Variants in UNC79 observed in about 807,000 individuals in gnomAD.
The protein encoded by UNC79 is protein unc-79 homolog.
Under a neutral mutation model 283.1 loss-of-function variants are expected in UNC79, and 37 were observed. That is an observed-to-expected ratio of 0.13 (90% CI 0.10 to 0.17). The LOEUF (loss-of-function observed/expected upper bound fraction) is 0.17, where lower values mean the gene tolerates loss of function less well. Among genes scored for constraint, UNC79 ranks in the 10% least tolerant of loss-of-function variants. The probability of loss-of-function intolerance (pLI) is 1.00; values close to 1 mark genes in which losing one functional copy is unlikely to be tolerated. For synonymous variants in UNC79, 1,107 were observed against 1,200.2 expected, an observed-to-expected ratio of 0.92 and a Z score of 1.61; for missense variants, 2,272 against 3,211.1, an observed-to-expected ratio of 0.71 and a Z score of 7.07.
chr14:93,500,121 A>T (rs11845004), intron 7 of UNC79, among the ~76,000 whole-genome samples: 12,467 of 152,192 alleles, frequency 0.082, 588 homozygotes, highest in Middle Eastern at 0.18. Context: ...TTGCCTGTTC[A>T]GAGCATCTCA....
chr14:93,476,348 C>T (rs76385827), intron 3 of UNC79, among the ~76,000 whole-genome samples: 3,602 of 152,270 alleles, frequency 0.024, 151 homozygotes, highest in African/African-American at 0.083. Context: ...TCCAGTTGGG[C>T]TCCTTTCAGT....
At chr14:93,529,403 A>G in intron 10 of UNC79, 77 bp downstream of exon 10, 2 of 1,505,550 alleles carry the variant, frequency 1.3e-6, no homozygotes. Flanking sequence ...CTTTTGTACT[A>G]TTTTATTTTA....
chr14:93,590,154 C>T (rs72692906), intron 22 of UNC79, among the ~76,000 whole-genome samples: 19,917 of 152,064 alleles, frequency 0.13, 1,610 homozygotes, highest in Admixed American at 0.19. Context: ...ATTTAGGACC[C>T]GCTCTATCCA....
intron 1 of UNC79, among the ~76,000 whole-genome samples, chr14:93,365,220 T>A (rs768408812): frequency 6.6e-6 from 1 of 151,930 alleles, no homozygotes; most frequent in African/African-American, 2.4e-5. Flanking sequence ...ACCCTGTCTA[T>A]ACTAAAAATA....
chr14:93,440,268 C>T (rs1245049266), intron 1 of UNC79, among the ~76,000 whole-genome samples: 3 of 151,944 alleles, frequency 2.0e-5, no homozygotes, highest in Non-Finnish European at 4.4e-5. Flanking sequence ...GGAACCAATC[C>T]CTGGTGGATA....
intron 1 of UNC79, among the ~76,000 whole-genome samples, chr14:93,374,300 C>A (rs1442647537): frequency 6.6e-6 from 1 of 152,160 alleles, no homozygotes; most frequent in Non-Finnish European, 1.5e-5. Context: ...TTGCACCCAG[C>A]AAAGCCATAG....
intron 25 of UNC79, among the ~76,000 whole-genome samples, chr14:93,602,554 C>A (rs2065589441): frequency 6.6e-6 from 1 of 152,138 alleles, no homozygotes; most frequent in Non-Finnish European, 1.5e-5. Flanking sequence ...CAGATGCATT[C>A]TTTTTGCTTA....
At chr14:93,528,061 A>G (rs896803584) in intron 8 of UNC79, among the ~76,000 whole-genome samples, 1 of 152,164 alleles carries the variant, frequency 6.6e-6, no homozygotes, top group African/African-American at 2.4e-5. Context: ...GAACCACTCA[A>G]TGTTAGATTT....
chr14:93,495,275 T>C (rs1462389361), intron 5 of UNC79, among the ~76,000 whole-genome samples: 4 of 152,192 alleles, frequency 2.6e-5, no homozygotes, highest in South Asian at 2.1e-4. Flanking sequence ...AGGAAACTTA[T>C]AATCATGGTA....
rs2060822982 is a variant in UNC79, at chr14:93,531,548, G to A, written c.1094-1002G>A. 6.6e-6 allele frequency among the ~76,000 whole-genome samples: 1 copy of A among 152,218 alleles called. No individual in the cohort carries two copies. Among genetic ancestry groups the A allele is most frequent in the African/African-American group, 2.4e-5 (1 of 41,454 alleles). On this transcript the variant is annotated intron_variant, in intron 10 of 48. Transcript: ENST00000555664. The surrounding 1 kb of genome is among the most constrained non-coding windows in gnomAD (Gnocchi z 4.2). ...TCATTATGTAGACAGTAATTTGACAGTCTTGCTCCAACTGGTCTACCCGTG... is the reference window on the plus strand; with the variant it reads ...TCATTATGTAGACAGTAATTTGACAATCTTGCTCCAACTGGTCTACCCGTG...
At chr14:93,614,043 TAAA>T (rs201790798) in intron 27 of UNC79, among the ~76,000 whole-genome samples, 16 of 125,840 alleles carry the variant, frequency 1.3e-4, no homozygotes, top group Non-Finnish European at 1.0e-4. Context: ...TCATGCACAG[TAAA>T]AAAAAAAAAA....
intron 19 of UNC79, 116 bp downstream of exon 19, chr14:93,580,492 A>C (rs546435216): frequency 1.6e-5 from 17 of 1,064,578 alleles, no homozygotes; most frequent in Non-Finnish European, 2.1e-5. Flanking sequence ...GTTATACGTG[A>C]GACTGTGTTA....
In UNC79 at chr14:93,405,152, G is replaced by A. The variant is rs192804639; in HGVS notation, c.-350-62519G>A. 3.2e-4 allele frequency among the ~76,000 whole-genome samples: 48 copies of A among 151,674 alleles called. 1 individual carries two copies. The highest frequency in any genetic ancestry group is 1.1e-3 in the African/African-American group (47 of 41,324). Reference sequence around the variant, plus strand: ...ACAAAAATTAGCTGCGTGTGGTGGCGGGCACCTGTAATCCCAGCTACTCGG... The same window carrying A: ...ACAAAAATTAGCTGCGTGTGGTGGCAGGCACCTGTAATCCCAGCTACTCGG... On this transcript the variant is annotated intron_variant, in intron 1 of 49. Coordinates refer to the UNC79 transcript ENST00000256339.
At chr14:93,584,919 A>G (rs188108433) in intron 20 of UNC79, among the ~76,000 whole-genome samples, 1 of 149,886 alleles carries the variant, frequency 6.7e-6, no homozygotes, top group East Asian at 2.0e-4. Context: ...CCGGTCTCGA[A>G]CTCCTGACCT....
intron 22 of UNC79, among the ~76,000 whole-genome samples, chr14:93,592,144 A>G (rs945860685): frequency 7.0e-6 from 1 of 142,014 alleles, no homozygotes; most frequent in Non-Finnish European, 1.6e-5. Context: ...AACTACATAT[A>G]TTTTATACAT....
intron 44 of UNC79, 177 bp downstream of exon 47, chr14:93,689,017 C>T (rs1436920437): frequency 1.6e-6 from 1 of 610,374 alleles, no homozygotes; most frequent in South Asian, 5.1e-5. Context: ...CCAGAATGCT[C>T]TTTGACATGC....
chr14:93,693,090 A>G (rs563933681), intron 46 of UNC79, among the ~76,000 whole-genome samples: 1 of 152,352 alleles, frequency 6.6e-6, no homozygotes, highest in Non-Finnish European at 1.5e-5. Flanking sequence ...AGGGGATGGT[A>G]TATTTCCTTT....
At chr14:93,413,401 C>T (rs1273500027) in intron 1 of UNC79, among the ~76,000 whole-genome samples, 1 of 151,514 alleles carries the variant, frequency 6.6e-6, no homozygotes, top group African/African-American at 2.4e-5. Context: ...GTATATGTGC[C>T]ACATTTTCTT....
intron 22 of UNC79, among the ~76,000 whole-genome samples, chr14:93,588,390 G>A (rs181339172): frequency 3.2e-4 from 48 of 152,214 alleles, no homozygotes; most frequent in Non-Finnish European, 5.4e-4. Flanking sequence ...AAGAGGAAAG[G>A]AAACATCAGA....
Sources: allele counts gnomAD v4.1 joint callset (sites outside exome capture counted in the v4.1 genomes callset), GRCh38; gene constraint gnomAD v4.1.1; non-coding constraint Gnocchi (gnomAD v3.1); transcripts MANE v1.5; gene names NCBI Gene and HGNC (gene_info 2026-07-23, HGNC 2026-07-21).